Variants in CNTNAP3B observed in about 807,000 individuals in gnomAD.
CNTNAP3B encodes the protein contactin associated protein family member 3B.
Under a neutral mutation model 108.9 loss-of-function variants are expected in CNTNAP3B, and 25 were observed. The ratio of observed to expected loss-of-function variants is 0.23; its 90% CI spans 0.17 to 0.32. CNTNAP3B has a LOEUF of 0.32. Among genes scored for constraint, CNTNAP3B ranks in the 10% least tolerant of loss-of-function variants. CNTNAP3B has a pLI of 1.00. For missense variants in CNTNAP3B, 252 were observed against 1,210.4 expected, an observed-to-expected ratio of 0.21 and a Z score of 11.75; for synonymous variants, 103 against 473.4, an observed-to-expected ratio of 0.22 and a Z score of 10.16.
At chr9:41,921,085 A>G (rs1414559882) in intron 17 of CNTNAP3B, among the ~76,000 whole-genome samples, 1 of 152,310 alleles carries the variant, frequency 6.6e-6, no homozygotes, top group African/African-American at 2.4e-5. Context: ...CTCCTCCCAG[A>G]GATTCCAATT....
chr9:42,123,832 G>A (rs1366447025), intron 1 of CNTNAP3B, among the ~76,000 whole-genome samples: 2 of 128,094 alleles, frequency 1.6e-5, no homozygotes, highest in Non-Finnish European at 3.2e-5. Flanking sequence ...AGCATATAAA[G>A]TATAAGCATA....
chr9:41,945,548 T>A (rs1355287998), intron 13 of CNTNAP3B, among the ~76,000 whole-genome samples: 2 of 152,308 alleles, frequency 1.3e-5, no homozygotes, highest in African/African-American at 2.4e-5. Flanking sequence ...TTCTCACTCA[T>A]AGGTGGGAAT....
rs145138027 is a variant in CNTNAP3B, at chr9:42,035,344, G to C, written c.391-21819C>G. ...CTATGATTCAATTTTCAGATCAGAT[G>C]CCACCTTTCAATATGGCCTGCTCAG... On this transcript the variant is annotated intron_variant, in intron 3 of 23. Transcript: ENST00000377561. Among the ~76,000 whole-genome samples the C allele has an allele frequency of 4.8e-3, 705 of 146,488 alleles. 27 individuals are homozygous for C. The highest frequency in any genetic ancestry group is 0.017 in the African/African-American group (675 of 38,740).
chr9:42,089,796 T>G lies in CNTNAP3B; in HGVS notation c.197-12734A>C, dbSNP rs1057423610. ...CCATTTGCTCTGTGTTTGCAGTTTA[T>G]CACACAGGTTTCTAAATTATCCTTG... On this transcript the variant is annotated intron_variant, in intron 2 of 23. Coordinates refer to ENST00000377561, the MANE Select transcript of CNTNAP3B (RefSeq NM_001201380.3). Among the ~76,000 whole-genome samples the G allele has an allele frequency of 1.5e-3, 208 of 142,520 alleles. 3 individuals are homozygous for G. Among genetic ancestry groups the G allele is most frequent in the African/African-American group, 5.0e-3 (184 of 36,806 alleles). 93.5% of individuals were successfully genotyped at this position (142,520 alleles called of 152,430 possible).
At position 42,111,094 on chromosome 9, in the gene CNTNAP3B, G is replaced by A. The variant is rs1478729656; in HGVS notation, c.86-6355C>T. Among the ~76,000 whole-genome samples the A allele has an allele frequency of 2.2e-5, 3 of 138,554 alleles. 1 individual carries two copies. The highest frequency in any genetic ancestry group is 8.6e-5 in the African/African-American group (3 of 34,840). The allele number at this position is 138,554 out of a possible 152,430, so 90.9% of individuals were successfully genotyped here. ...CCCTACCACCTGGGGCCAGCACAGG[G>A]ACAAGCCTCAGGCCTGGCAACTGAA... On this transcript the variant is annotated intron_variant, in intron 1 of 23. Coordinates refer to ENST00000377561, the MANE Select transcript of CNTNAP3B (RefSeq NM_001201380.3).
chr9:42,113,949 TA>T (rs1828255848), intron 1 of CNTNAP3B, among the ~76,000 whole-genome samples: 1 of 134,104 alleles, frequency 7.5e-6, no homozygotes, highest in East Asian at 2.3e-4. Context: ...AATTAAAAAC[TA>T]AAAAAATTAA....
intron 3 of CNTNAP3B, among the ~76,000 whole-genome samples, chr9:42,016,927 GGT>G (rs1826226922): frequency 6.6e-6 from 1 of 151,538 alleles, no homozygotes; most frequent in African/African-American, 2.4e-5. Context: ...GTGTGTGTGT[GGT>G]GTGTTCATGT....
intron 3 of CNTNAP3B, among the ~76,000 whole-genome samples, chr9:42,075,836 C>CTTATTATTA (rs201491733): frequency 9.1e-4 from 58 of 63,576 alleles, no homozygotes; most frequent in Middle Eastern, 0.016. Context: ...GTAATAAATA[C>CTTATTATTA]TTATTATTAT....
intron 3 of CNTNAP3B, among the ~76,000 whole-genome samples, chr9:42,041,848 A>T (rs1189585523): frequency 2.8e-5 from 4 of 145,010 alleles, no homozygotes; most frequent in African/African-American, 1.1e-4. Flanking sequence ...AATGTCCATC[A>T]ATGACAGAAT....
intron 13 of CNTNAP3B, among the ~76,000 whole-genome samples, chr9:41,945,499 A>G (rs1317120387): frequency 5.5e-4 from 84 of 151,996 alleles, no homozygotes; most frequent in African/African-American, 1.9e-3. Flanking sequence ...CATCATTCTC[A>G]GCAAACTATC....
At chr9:41,973,084 C>T (rs544933583) in intron 9 of CNTNAP3B, among the ~76,000 whole-genome samples, 9 of 140,296 alleles carry the variant, frequency 6.4e-5, no homozygotes, top group South Asian at 2.4e-4. Flanking sequence ...ACTACAGACA[C>T]GCACCACCAT....
rs1333969360 is a variant in CNTNAP3B, at chr9:41,967,650, T to C, written c.1649+2424A>G. 2.0e-5 allele frequency among the ~76,000 whole-genome samples: 3 copies of C among 152,300 alleles called. No homozygotes were observed. In the South Asian group the frequency reaches 6.2e-4, roughly 31 times the overall value. On this transcript the variant is annotated intron_variant, in intron 10 of 23. Coordinates refer to ENST00000377561, the MANE Select transcript of CNTNAP3B (RefSeq NM_001201380.3). ...ATTTTCAGGTTTTCAAAACTTTATG[T>C]AAAGGGAACAGCAAAGGTCTTTAAT...
intron 18 of CNTNAP3B, among the ~76,000 whole-genome samples, chr9:41,919,550 T>A (rs1279637846): frequency 4.3e-4 from 65 of 152,370 alleles, no homozygotes; most frequent in African/African-American, 1.5e-3. Context: ...TAAATATTCT[T>A]TTCCCCTTCT....
chr9:42,035,533 G>A lies in CNTNAP3B; in HGVS notation c.391-22008C>T, dbSNP rs1826606677. On this transcript the variant is annotated intron_variant, in intron 3 of 23. Transcript: ENST00000377561. The stretch of plus-strand genomic sequence containing the variant: ...TGGGACTTTGGACAAAAATCCTTCA[G>A]TGCCTCAGTTTCCTCATCCATAAAA... Among the ~76,000 whole-genome samples the A allele has an allele frequency of 2.0e-5, 3 of 147,174 alleles. 1 individual carries two copies. The highest frequency in any genetic ancestry group is 4.5e-5 in the Non-Finnish European group (3 of 66,782).
rs1827197570 is a variant in CNTNAP3B at position 42,062,682 on chromosome 9, A to C, written c.390+14187T>G. Among the ~76,000 whole-genome samples the C allele has an allele frequency of 1.8e-5, 2 of 111,276 alleles. 1 individual carries two copies. Among genetic ancestry groups the C allele is most frequent in the Non-Finnish European group, 3.7e-5 (2 of 53,410 alleles). 73.0% of individuals were successfully genotyped at this position (111,276 alleles called of 152,430 possible). Reference sequence around the variant, plus strand: ...TTTTCTGGCTTTGTTTCCTGACTACAGCCATTTAGTTCATTCTTTCTAGCT... The same window carrying C: ...TTTTCTGGCTTTGTTTCCTGACTACCGCCATTTAGTTCATTCTTTCTAGCT... On this transcript the variant is annotated intron_variant, in intron 3 of 23. Transcript: ENST00000377561.
chr9:41,929,615 G>A (rs1390356849), intron 14 of CNTNAP3B, among the ~76,000 whole-genome samples, 171 bp from the exon 15 acceptor site: 1 of 138,908 alleles, frequency 7.2e-6, no homozygotes, highest in Non-Finnish European at 1.5e-5. Context: ...TCAGGGATGG[G>A]CAAACATTTT....
chr9:41,936,786 C>T (rs1467030868), intron 14 of CNTNAP3B, among the ~76,000 whole-genome samples: 1 of 152,358 alleles, frequency 6.6e-6, no homozygotes, highest in African/African-American at 2.4e-5. Flanking sequence ...ATTAAGATTG[C>T]ATATCAAAAT....
At chr9:42,042,013 A>T (rs1184344690) in intron 3 of CNTNAP3B, among the ~76,000 whole-genome samples, 5 of 117,282 alleles carry the variant, frequency 4.3e-5, no homozygotes, top group Admixed American at 8.7e-5. Context: ...ACATGTTCTC[A>T]CTCATAGGTG....
At chr9:41,938,710 T>C (rs1384767130) in intron 13 of CNTNAP3B, among the ~76,000 whole-genome samples, 1 of 152,062 alleles carries the variant, frequency 6.6e-6, no homozygotes, top group African/African-American at 2.4e-5. Context: ...CCATTAAAAT[T>C]AATACCAGGG....
Sources: allele counts gnomAD v4.1 joint callset (sites outside exome capture counted in the v4.1 genomes callset), GRCh38; gene constraint gnomAD v4.1.1; transcripts MANE v1.5; gene names NCBI Gene and HGNC (gene_info 2026-07-23, HGNC 2026-07-21).